The following FKBP15 variants were observed in gnomAD, a reference collection of about 807,000 sequenced individuals.
FKBP15 encodes FKBP prolyl isomerase family member 15, also known as FK506-binding protein 15.
In FKBP15, 106 loss-of-function variants were observed where a neutral mutation model predicts 158.1. The ratio of observed to expected loss-of-function variants is 0.67; its 90% CI spans 0.57 to 0.79. FKBP15 has a LOEUF of 0.79. Ranked by LOEUF, FKBP15 falls within the 30% of genes least tolerant of loss-of-function variation. The probability of loss-of-function intolerance (pLI) is 0.00; values close to 1 mark genes in which losing one functional copy is unlikely to be tolerated. For missense variants in FKBP15, 1,287 were observed against 1,479.1 expected, an observed-to-expected ratio of 0.87 and a Z score of 2.13; for synonymous variants, 547 against 548.6, an observed-to-expected ratio of 1.00 and a Z score of 0.04.
intron 20 of FKBP15, among the ~76,000 whole-genome samples, chr9:113,178,304 T>TA (rs1830332869): frequency 1.3e-5 from 2 of 152,178 alleles, no homozygotes; most frequent in African/African-American, 4.8e-5. Context: ...ATTTCTTTTT[T>TA]AAACTTCCAC....
Position 113,192,804 on chromosome 9 carries a change from C to T in FKBP15, c.1065+688G>A, listed in dbSNP as rs549659481. Among the ~76,000 whole-genome samples, 8 of 152,250 alleles carry T rather than the reference C, an allele frequency of 5.3e-5. No homozygotes were observed. The East Asian group carries it at 1.5e-3, about 29-fold the overall frequency. ...TCCATTTTACACATGAGGAAATAAA[C>T]ATGAAGCTTAGAGAAGCTAAATTAA... On this transcript the variant is annotated intron_variant, in intron 11 of 27. Coordinates refer to ENST00000238256, the MANE Select transcript of FKBP15 (RefSeq NM_015258.2).
chr9:113,176,975 G>A (rs1225262747), intron 20 of FKBP15, among the ~76,000 whole-genome samples: 1 of 152,110 alleles, frequency 6.6e-6, no homozygotes, highest in Non-Finnish European at 1.5e-5. Flanking sequence ...AGCAGCCTCT[G>A]CTCACTTCTT....
At chr9:113,216,639 T>A (rs1251059777) in intron 1 of FKBP15, among the ~76,000 whole-genome samples, 1 of 152,206 alleles carries the variant, frequency 6.6e-6, no homozygotes, top group Non-Finnish European at 1.5e-5. Context: ...CAGTGAAAAA[T>A]GTACAAAGCT....
In FKBP15 at chr9:113,162,283, C is replaced by G; in HGVS notation, c.*3795G>C. 4.3e-6 allele frequency: 1 copy of G among 234,174 alleles called. No individual in the cohort carries two copies. Among genetic ancestry groups the G allele is most frequent in the South Asian group, 5.2e-5 (1 of 19,280 alleles). The allele number at this position is 234,174 out of a possible 1,614,324, so 14.5% of individuals were successfully genotyped here. A position where few individuals can be genotyped will look rare whatever the true frequency, so the allele number is the denominator to read the frequency against. ...GGGAAGTATTCTCATTCCTGTTTTA[C>G]TGATAAGGAATCTTACGTTCAGAGA... On this transcript the variant is annotated 3_prime_UTR_variant, in exon 28 of 28. Transcript: ENST00000238256.
At chr9:113,194,745 C>T (rs531689788) in intron 9 of FKBP15, among the ~76,000 whole-genome samples, 55 of 152,134 alleles carry the variant, frequency 3.6e-4, no homozygotes, top group Non-Finnish European at 7.2e-4. Flanking sequence ...TATTAATTTG[C>T]AACATTATTT....
At chr9:113,213,455 T>C (rs996890540) in intron 1 of FKBP15, among the ~76,000 whole-genome samples, 6 of 149,504 alleles carry the variant, frequency 4.0e-5, no homozygotes, top group Admixed American at 4.0e-4. Context: ...ACGCCTGGAG[T>C]CCTAGCGGCT....
At chr9:113,202,653 T>C in intron 5 of FKBP15, 24 bp from the exon 6 acceptor site, 1 of 1,525,188 alleles carries the variant, frequency 6.6e-7, no homozygotes, top group Non-Finnish European at 8.9e-7. Flanking sequence ...AAATGTTAAA[T>C]TCATCCACAA....
chr9:113,212,661 C>T (rs1831033000), intron 1 of FKBP15, among the ~76,000 whole-genome samples: 1 of 152,182 alleles, frequency 6.6e-6, no homozygotes, highest in African/African-American at 2.4e-5. Flanking sequence ...CTAATGCAAT[C>T]CCTGGCTTGT....
In FKBP15 at chr9:113,196,961, T is replaced by C; in HGVS notation, c.835A>G (p.Ile279Val). The C allele has an allele frequency of 1.2e-6, 2 of 1,613,984 alleles. No individual in the cohort carries two copies. The highest frequency in any genetic ancestry group is 1.7e-6 in the Non-Finnish European group (2 of 1,179,882). ...VIGWTQATDSILVFEVEVRRV... is the reference protein window; with the variant it reads ...VIGWTQATDSVLVFEVEVRRV... ...CTAACCTCCACCTCGAACACCAGGA[T>C]CGAGTCCGTTGCTTGAGTCCAGCCT... Residue 279 changes from isoleucine to valine, a missense_variant, in exon 9 of 28, where the codon ATC becomes GTC. Coordinates refer to ENST00000238256, the MANE Select transcript of FKBP15 (RefSeq NM_015258.2).
intron 2 of FKBP15, among the ~76,000 whole-genome samples, chr9:113,210,288 C>T (rs1225277921): frequency 1.3e-5 from 2 of 151,366 alleles, no homozygotes; most frequent in Non-Finnish European, 2.9e-5. Flanking sequence ...GCTAACCCTT[C>T]CATCTAACCT....
chr9:113,168,622 A>G (rs1022658601), intron 26 of FKBP15, 66 bp from the exon 27 acceptor site: 1 of 1,396,170 alleles, frequency 7.2e-7, no homozygotes, highest in Admixed American at 1.7e-5. Context: ...CCCACCACCT[A>G]CAAGGGTCAC....
rs752487229 is a variant in FKBP15, at chr9:113,178,732, G to A, written c.1984C>T (p.His662Tyr). The A allele has an allele frequency of 2.5e-6, 4 of 1,608,886 alleles. No individual in the cohort carries two copies. The highest frequency in any genetic ancestry group is 3.4e-6 in the Non-Finnish European group (4 of 1,177,688). The change falls in exon 20 of 28, where the codon CAC (histidine) becomes TAC (tyrosine). Residue 662 changes from histidine to tyrosine, a missense_variant. By Grantham distance (83) the His-to-Tyr change is moderately conservative (BLOSUM62 2). Transcript: ENST00000238256. ...TGCAGCTCTGTTTCCTTTTTTTGGTGAGCAGTCATTTTCAGCTGCAGATGA... is the reference window on the plus strand; with the variant it reads ...TGCAGCTCTGTTTCCTTTTTTTGGTAAGCAGTCATTTTCAGCTGCAGATGA... ...VSHLQLKMTA[H>Y]QKKETELQMQ...
chr9:113,190,887 G>C (rs1315472818), intron 11 of FKBP15, among the ~76,000 whole-genome samples: 1 of 152,182 alleles, frequency 6.6e-6, no homozygotes, highest in African/African-American at 2.4e-5. Context: ...AAATTAAAGT[G>C]AGATGTTAAG....
intron 15 of FKBP15, 63 bp downstream of exon 15, chr9:113,186,186 G>A (rs976584064): frequency 1.7e-6 from 2 of 1,154,886 alleles, no homozygotes; most frequent in Non-Finnish European, 2.5e-6. Context: ...AATGAAGGAG[G>A]AGCAAGAAGA....
In FKBP15 at chr9:113,207,259, C is replaced by T; in HGVS notation, c.207G>A (p.Met69Ile). The T allele has an allele frequency of 6.2e-7, 1 of 1,613,210 alleles. No homozygotes were observed. ...QATPKTAPATMSTPTILVATA... is the reference protein window; with the variant it reads ...QATPKTAPATISTPTILVATA... ...TTGCGACCAGTATTGTGGGAGTGCT[C>T]ATGGTGGCTGGTGCTGTTTTTGGTG... is the stretch of plus-strand genomic sequence containing the variant. Residue 69 changes from methionine (M) to isoleucine (I), a missense_variant, in exon 3 of 28, where the codon ATG becomes ATA. Met to Ile is a conservative substitution (Grantham distance 10). Transcript: ENST00000238256.
chr9:113,165,401 T>C lies in FKBP15; in HGVS notation c.*677A>G, dbSNP rs1445971913. On this transcript the variant is annotated 3_prime_UTR_variant, in exon 28 of 28. Transcript: ENST00000238256. Reference sequence around the variant, plus strand: ...GGTTAGGTATCAAAGGGAGTAAATATGCCACAACGTTTTGTGCACATTAAC... The same window carrying C: ...GGTTAGGTATCAAAGGGAGTAAATACGCCACAACGTTTTGTGCACATTAAC... The C allele has an allele frequency of 6.6e-6, 1 of 152,206 alleles. No individual in the cohort carries two copies. Among genetic ancestry groups the C allele is most frequent in the Non-Finnish European group, 1.5e-5 (1 of 68,032 alleles). 9.4% of individuals were successfully genotyped at this position (152,206 alleles called of 1,614,324 possible). A position where few individuals can be genotyped will look rare whatever the true frequency, so the allele number is the denominator to read the frequency against.
chr9:113,221,086 C>G, intron 1 of FKBP15, 105 bp downstream of exon 1: 1 of 1,246,706 alleles, frequency 8.0e-7, no homozygotes, highest in Non-Finnish European at 1.1e-6. Context: ...GCAAGGGTCT[C>G]CCCCCGGAAG....
chr9:113,174,512 G>C lies in FKBP15; in HGVS notation c.2295C>G (p.Arg765=). 6.2e-7 allele frequency: 1 copy of C among 1,613,982 alleles called. No individual in the cohort carries two copies. ...TGTCCAATTCCTCCTGGTATGACTT[G>C]CGAATTTCATCTATCTCCTCCTCGG... The part of the protein sequence containing the change: ...SQAEEEIDEI[R]KSYQEELDKL... Residue 765 remains arginine, a synonymous_variant, in exon 22 of 28, where the codon CGC becomes CGG. Coordinates refer to ENST00000238256, the MANE Select transcript of FKBP15 (RefSeq NM_015258.2).
intron 20 of FKBP15, 133 bp from the exon 21 acceptor site, chr9:113,176,806 T>C: frequency 1.0e-6 from 1 of 962,542 alleles, no homozygotes; most frequent in Non-Finnish European, 1.5e-6. Context: ...TGGAGTGCAG[T>C]GGTGTGATCA....
Sources: gnomAD v4.1 joint callset for allele counts (sites outside exome capture counted in the v4.1 genomes callset) on GRCh38, gnomAD v4.1.1 for gene constraint, MANE v1.5 for transcripts, NCBI Gene and HGNC (gene_info 2026-07-23, HGNC 2026-07-21) for gene names.